The following PRDM5 variants were observed in gnomAD, a reference collection of about 807,000 sequenced individuals.
PRDM5 encodes PR domain zinc finger protein 5.
Under a neutral mutation model 81.2 loss-of-function variants are expected in PRDM5, and 56 were observed. The observed-to-expected ratio is 0.69, with a 90% CI of 0.56 to 0.86. The LOEUF (loss-of-function observed/expected upper bound fraction) is 0.86. Among genes scored for constraint, PRDM5 ranks in the 40% least tolerant of loss-of-function variants. The pLI is 0.00. For synonymous variants in PRDM5, 267 were observed against 256.4 expected, an observed-to-expected ratio of 1.04 and a Z score of -0.39; for missense variants, 697 against 770.1, an observed-to-expected ratio of 0.91 and a Z score of 1.12.
At chr4:120,906,211 T>G (rs998846246) in intron 2 of PRDM5, among the ~76,000 whole-genome samples, 2 of 152,072 alleles carry the variant, frequency 1.3e-5, no homozygotes, top group Non-Finnish European at 2.9e-5. Context: ...CCTCAAGCAA[T>G]CCTCCTGCCT....
intron 15 of PRDM5, among the ~76,000 whole-genome samples, chr4:120,708,896 T>C (rs1736566283): frequency 1.3e-5 from 2 of 152,142 alleles, no homozygotes; most frequent in Admixed American, 1.3e-4. Context: ...AGTTCTATAC[T>C]GAGCAGTCTG....
chr4:120,777,017 C>T (rs1053369999), intron 13 of PRDM5, among the ~76,000 whole-genome samples, 171 bp downstream of exon 13: 13 of 152,090 alleles, frequency 8.5e-5, no homozygotes, highest in Non-Finnish European at 8.8e-5. Context: ...TATACTCATT[C>T]CAAATTCTTC....
rs73843635 is a variant in PRDM5, at chr4:120,870,909, T to C, written c.178-17369A>G. On this transcript the variant is annotated intron_variant, in intron 2 of 15. Transcript: ENST00000264808. Reference sequence around the variant, plus strand: ...GGCAAGAATGACCACCTACTATATGTTAGAGGTTTTGCCTCTGGAACTATG... The same window carrying C: ...GGCAAGAATGACCACCTACTATATGCTAGAGGTTTTGCCTCTGGAACTATG... 8.3e-3 allele frequency among the ~76,000 whole-genome samples: 1,263 copies of C among 152,298 alleles called. 17 individuals carry two copies. The highest frequency in any genetic ancestry group is 0.029 in the African/African-American group (1,194 of 41,556).
intron 14 of PRDM5, among the ~76,000 whole-genome samples, chr4:120,716,678 C>T (rs1374895946): frequency 6.6e-6 from 1 of 152,102 alleles, no homozygotes. Flanking sequence ...CTATAGTGCT[C>T]CTTGAAGGAA....
chr4:120,749,551 G>T (rs1344670172), intron 14 of PRDM5, among the ~76,000 whole-genome samples: 2 of 152,206 alleles, frequency 1.3e-5, no homozygotes, highest in African/African-American at 2.4e-5. Flanking sequence ...AGCAGTGGCT[G>T]CCAGGGAGCA....
rs113742975 is a variant in PRDM5, at chr4:120,806,253, T to G, written c.945+5117A>C. On this transcript the variant is annotated intron_variant, in intron 8 of 15. Coordinates refer to ENST00000264808, the MANE Select transcript of PRDM5 (RefSeq NM_018699.4). ...GCTCACGGATAGGAAGAATCAATATTGTGAAAATGGCCATACTGCCCAAGG... is the reference window on the plus strand; with the variant it reads ...GCTCACGGATAGGAAGAATCAATATGGTGAAAATGGCCATACTGCCCAAGG... Among the ~76,000 whole-genome samples the G allele has an allele frequency of 4.1e-3, 628 of 152,206 alleles. 6 individuals are homozygous for G. Among genetic ancestry groups the G allele is most frequent in the African/African-American group, 0.011 (451 of 41,536 alleles).
At chr4:120,850,535 C>CA (rs1307701085) in intron 3 of PRDM5, among the ~76,000 whole-genome samples, 8 of 152,030 alleles carry the variant, frequency 5.3e-5, no homozygotes, top group African/African-American at 9.7e-5. Flanking sequence ...TAATCTATGA[C>CA]AAAAAATATG....
At chr4:120,870,468 C>G (rs1385335319) in intron 2 of PRDM5, among the ~76,000 whole-genome samples, 1 of 151,994 alleles carries the variant, frequency 6.6e-6, no homozygotes, top group Non-Finnish European at 1.5e-5. Context: ...GGTGGGGGAA[C>G]AGCCACCTAG....
chr4:120,838,233 T>G (rs1445450033), intron 3 of PRDM5: 1 of 152,204 alleles, frequency 6.6e-6, no homozygotes, highest in Non-Finnish European at 1.5e-5. Flanking sequence ...GCTAGTAATC[T>G]TCCTTTTTCC....
At chr4:120,800,607 A>C (rs928691677) in intron 8 of PRDM5, among the ~76,000 whole-genome samples, 1 of 152,152 alleles carries the variant, frequency 6.6e-6, no homozygotes, top group Non-Finnish European at 1.5e-5. Flanking sequence ...GCAGGTATGC[A>C]GGATGAATAA....
intron 13 of PRDM5, among the ~76,000 whole-genome samples, chr4:120,769,484 A>C (rs1184595449): frequency 6.6e-6 from 1 of 152,168 alleles, no homozygotes; most frequent in Non-Finnish European, 1.5e-5. Context: ...GAATGTAAAC[A>C]GTGAGGGGTC....
intron 8 of PRDM5, among the ~76,000 whole-genome samples, chr4:120,800,628 C>T (rs1394949814): frequency 6.6e-6 from 1 of 151,820 alleles, no homozygotes; most frequent in Non-Finnish European, 1.5e-5. Flanking sequence ...CTCTAAAGAT[C>T]TAATGTATAA....
At chr4:120,848,259 C>A (rs563228163) in intron 3 of PRDM5, among the ~76,000 whole-genome samples, 2 of 152,060 alleles carry the variant, frequency 1.3e-5, no homozygotes, top group African/African-American at 4.8e-5. Context: ...AATTAACCTG[C>A]TTTGAAAATT....
chr4:120,743,233 A>C (rs1226283712), intron 14 of PRDM5, among the ~76,000 whole-genome samples: 1 of 151,434 alleles, frequency 6.6e-6, no homozygotes, highest in African/African-American at 2.4e-5. Context: ...AAATGCTGAG[A>C]GATTTTGTCA....
At chr4:120,717,077 A>AC (rs911149465) in intron 14 of PRDM5, among the ~76,000 whole-genome samples, 3 of 152,066 alleles carry the variant, frequency 2.0e-5, no homozygotes, top group African/African-American at 7.2e-5. Context: ...AAAAAAAAAA[A>AC]AACTTCATTG....
At chr4:120,765,581 T>C (rs987152205) in intron 13 of PRDM5, among the ~76,000 whole-genome samples, 2 of 152,122 alleles carry the variant, frequency 1.3e-5, no homozygotes, top group Non-Finnish European at 2.9e-5. Flanking sequence ...GGATGATAAA[T>C]TACAGAGCTG....
At chr4:120,698,620 G>A (rs1053685364) in intron 15 of PRDM5, among the ~76,000 whole-genome samples, 2 of 152,092 alleles carry the variant, frequency 1.3e-5, no homozygotes, top group African/African-American at 2.4e-5. Flanking sequence ...TGACCACTTG[G>A]ATAGTTCACT....
chr4:120,779,854 G>C (rs1275261738), intron 12 of PRDM5, among the ~76,000 whole-genome samples: 2 of 152,098 alleles, frequency 1.3e-5, no homozygotes, highest in African/African-American at 2.4e-5. Context: ...GGAGAGCGGA[G>C]AGCCGAGATG....
chr4:120,836,457 A>G (rs1757363415), intron 3 of PRDM5, among the ~76,000 whole-genome samples: 1 of 152,188 alleles, frequency 6.6e-6, no homozygotes, highest in Non-Finnish European at 1.5e-5. Context: ...GTATTCTTCT[A>G]TAGAAACATC....
Sources: allele counts gnomAD v4.1 joint callset (sites outside exome capture counted in the v4.1 genomes callset), GRCh38; gene constraint gnomAD v4.1.1; transcripts MANE v1.5; gene names NCBI Gene and HGNC (gene_info 2026-07-23, HGNC 2026-07-21).